WDR5: variants seen among roughly 807,000 people sequenced by gnomAD.
WDR5 encodes WD repeat-containing protein 5.
For missense variants in WDR5, 187 were observed against 416.9 expected (o/e 0.45, Z 4.80); for synonymous variants, 144 against 161.6 (o/e 0.89, Z 0.83).
rs533098427 is a variant in WDR5, at chr9:134,158,130, A to C, written c.*137A>C. 2.9e-4 allele frequency: 219 copies of C among 743,114 alleles called. No individual in the cohort carries two copies. Among genetic ancestry groups the C allele is most frequent in the Admixed American group, 8.4e-4 (33 of 39,484 alleles). 46.0% of individuals were successfully genotyped at this position (743,114 alleles called of 1,614,324 possible). A position where few individuals can be genotyped will look rare whatever the true frequency, so the allele number is the denominator to read the frequency against. ...CCTGATTTGAGCCTCCTCTCTGAAG[A>C]TGATTTGGCCGAGCGGAAGGTGTGG... On this transcript the variant is annotated 3_prime_UTR_variant, in exon 14 of 14. Coordinates refer to ENST00000358625, the MANE Select transcript of WDR5 (RefSeq NM_017588.3).
rs1455580626 is a variant in WDR5 at position 134,136,113 on chromosome 9, C to A, written c.-146C>A. On this transcript the variant is annotated 5_prime_UTR_variant, in exon 1 of 14. Transcript: ENST00000358625. ...GCCGCCTGGCGCCCGCCCGAGCTGC[C>A]GCCTTGTCGAGCTGAGTCCGCGCTC... The A allele has an allele frequency of 6.7e-6, 1 of 149,112 alleles. No homozygotes were observed. Among genetic ancestry groups the A allele is most frequent in the South Asian group, 2.1e-4 (1 of 4,806 alleles). 9.2% of individuals were successfully genotyped at this position (149,112 alleles called of 1,614,324 possible). A position where few individuals can be genotyped will look rare whatever the true frequency, so the allele number is the denominator to read the frequency against.
intron 9 of WDR5, among the ~76,000 whole-genome samples, chr9:134,153,047 C>T (rs1360840275): frequency 2.6e-5 from 4 of 152,196 alleles, no homozygotes; most frequent in Admixed American, 1.3e-4. Context: ...AGCATGAGTC[C>T]CCTTGCCACA....
intron 7 of WDR5, among the ~76,000 whole-genome samples, chr9:134,147,108 G>A (rs1486052340): frequency 6.6e-6 from 1 of 152,266 alleles, no homozygotes; most frequent in Non-Finnish European, 1.5e-5. Context: ...TGTTGATTAT[G>A]TTGAAATAAT....
chr9:134,153,950 GGCTCT>G (rs1832624444), intron 9 of WDR5, among the ~76,000 whole-genome samples: 1 of 152,216 alleles, frequency 6.6e-6, no homozygotes, highest in Non-Finnish European at 1.5e-5. Flanking sequence ...GAGAAGCAGC[GGCTCT>G]GCTCTGCCCT....
At chr9:134,154,636 GC>G in intron 10 of WDR5, 95 bp downstream of exon 10, 1 of 1,392,750 alleles carries the variant, frequency 7.2e-7, no homozygotes, top group Non-Finnish European at 1.0e-6. Context: ...CGTGTTGTGG[GC>G]TTGGCACGGG....
chr9:134,147,629 C>T (rs979322274), intron 7 of WDR5, among the ~76,000 whole-genome samples: 3 of 152,146 alleles, frequency 2.0e-5, no homozygotes, highest in Non-Finnish European at 2.9e-5. Context: ...ATCATTAAAC[C>T]ACGGCTTCCT....
At chr9:134,154,421 G>A in intron 9 of WDR5, 45 bp from the exon 10 acceptor site, 2 of 1,604,676 alleles carry the variant, frequency 1.2e-6, no homozygotes, top group Non-Finnish European at 1.7e-6. Flanking sequence ...GTCCCTGCCT[G>A]GCTGTCAGCG....
chr9:134,152,036 GTGGCTCTGTGTGGGGGC>G lies in WDR5; in HGVS notation c.631+11_631+27del, dbSNP rs746872793. On this transcript the variant is annotated splice_region_variant and intron_variant, in intron 9 of 13. Coordinates refer to ENST00000358625, the MANE Select transcript of WDR5 (RefSeq NM_017588.3). ...TGCCTGAAGACGCTCATCGGTGAGT[GTGGCTCTGTGTGGGGGC>G]TGGGTCTGTGGGGAGGGCCTCCCCT... The G allele has an allele frequency of 6.2e-7, 1 of 1,613,748 alleles. No individual in the cohort carries two copies. Among genetic ancestry groups the G allele is most frequent in the Non-Finnish European group, 8.5e-7 (1 of 1,179,868 alleles).
intron 7 of WDR5, among the ~76,000 whole-genome samples, chr9:134,145,218 C>T (rs1013301408): frequency 2.0e-5 from 3 of 151,352 alleles, no homozygotes; most frequent in East Asian, 3.9e-4. Context: ...CCTGCCTCAG[C>T]CTCCCAAGTA....
At chr9:134,149,300 G>A (rs1221988410) in intron 8 of WDR5, among the ~76,000 whole-genome samples, 1 of 152,228 alleles carries the variant, frequency 6.6e-6, no homozygotes, top group Non-Finnish European at 1.5e-5. Context: ...CCGGGCCATC[G>A]CCTCGCAAGG....
intron 7 of WDR5, among the ~76,000 whole-genome samples, chr9:134,143,375 T>C (rs941853331): frequency 7.1e-4 from 108 of 152,260 alleles, no homozygotes; most frequent in African/African-American, 2.3e-3. Context: ...ACCCCGTCTC[T>C]ACTAAAAATA....
intron 7 of WDR5, among the ~76,000 whole-genome samples, chr9:134,144,160 G>A (rs1339919025): frequency 2.0e-5 from 3 of 152,276 alleles, no homozygotes; most frequent in African/African-American, 7.2e-5. Context: ...GGGCGGGGCT[G>A]CGGGGTCTGA....
intron 8 of WDR5, among the ~76,000 whole-genome samples, chr9:134,151,633 G>A (rs1832491797): frequency 6.6e-6 from 1 of 152,162 alleles, no homozygotes; most frequent in African/African-American, 2.4e-5. Context: ...CAGAGCCTGC[G>A]AGAAGCACTG....
intron 8 of WDR5, among the ~76,000 whole-genome samples, chr9:134,151,010 C>T (rs917646948): frequency 2.0e-5 from 3 of 152,092 alleles, no homozygotes; most frequent in Non-Finnish European, 1.5e-5. Context: ...AAAGGACACA[C>T]GGGGGTTAGG....
chr9:134,143,397 T>C (rs1203701643), intron 7 of WDR5, among the ~76,000 whole-genome samples: 1 of 152,080 alleles, frequency 6.6e-6, no homozygotes, highest in Non-Finnish European at 1.5e-5. Flanking sequence ...AAAAATCAGC[T>C]GGACGTGGTG....
intron 7 of WDR5, among the ~76,000 whole-genome samples, 184 bp from the exon 8 acceptor site, chr9:134,148,104 A>G (rs28712232): frequency 0.13 from 20,131 of 151,414 alleles, 1,519 homozygotes; most frequent in East Asian, 0.23. Context: ...TGGAGGTTGC[A>G]GTGAGCTGAG....
In WDR5 at chr9:134,159,432, C is replaced by T. The variant is rs1383758243; in HGVS notation, c.*1439C>T. The stretch of plus-strand genomic sequence containing the variant: ...TGGAGTCCTGGGGGAGCTCAGCCAG[C>T]TCTGCCTTTCTCAGGGCCTGGAGTC... On this transcript the variant is annotated 3_prime_UTR_variant, in exon 14 of 14. Coordinates refer to ENST00000358625, the MANE Select transcript of WDR5 (RefSeq NM_017588.3). The surrounding 1 kb of genome is among the most constrained non-coding windows in gnomAD (Gnocchi z 4.3). 6.6e-6 allele frequency: 1 copy of T among 152,356 alleles called. No homozygotes were observed. Among genetic ancestry groups the T allele is most frequent in the Non-Finnish European group, 1.5e-5 (1 of 68,196 alleles). 9.4% of individuals were successfully genotyped at this position (152,356 alleles called of 1,614,324 possible). A position where few individuals can be genotyped will look rare whatever the true frequency, so the allele number is the denominator to read the frequency against.
At chr9:134,141,864 C>A in intron 4 of WDR5, 85 bp from the exon 5 acceptor site, 2 of 1,323,376 alleles carry the variant, frequency 1.5e-6, no homozygotes, top group Non-Finnish European at 2.2e-6. Flanking sequence ...TTCCTGAGGG[C>A]AATGGGGATG....
rs572641045 is a variant in WDR5, at chr9:134,157,515, G to T, written c.905-378G>T. ...CATTGTCGATAAAGGACTGAGGACT[G>T]TGAGGGGTCTGACTGCAGTCCTTGT... On this transcript the variant is annotated intron_variant, in intron 13 of 13. Transcript: ENST00000358625. This position sits in a 1 kb window ranked among gnomAD's most constrained non-coding sequence, Gnocchi z 5.0. 6.6e-6 allele frequency among the ~76,000 whole-genome samples: 1 copy of T among 152,300 alleles called. No homozygotes were observed. Among genetic ancestry groups the T allele is most frequent in the African/African-American group, 2.4e-5 (1 of 41,578 alleles).
Sources: allele counts gnomAD v4.1 joint callset (sites outside exome capture counted in the v4.1 genomes callset), GRCh38; gene constraint gnomAD v4.1.1; non-coding constraint Gnocchi (gnomAD v3.1); transcripts MANE v1.5; gene names NCBI Gene and HGNC (gene_info 2026-07-23, HGNC 2026-07-21).